Variants in PDE1C observed in about 807,000 individuals in gnomAD.
The protein encoded by PDE1C is phosphodiesterase 1C.
In PDE1C, 62 loss-of-function variants were observed where a neutral mutation model predicts 93.1. That is an observed-to-expected ratio of 0.67 (90% confidence interval 0.54 to 0.82). PDE1C has a LOEUF of 0.82. Ranked by LOEUF, PDE1C falls within the 40% of genes least tolerant of loss-of-function variation. The pLI, the probability that PDE1C is intolerant of heterozygous loss-of-function variation, is 0.00. For missense variants in PDE1C, 742 were observed against 884.6 expected (o/e 0.84, Z 2.04); for synonymous variants, 325 against 310.1 (o/e 1.05, Z -0.50).
chr7:31,835,555 T>TGC (rs373834860), intron 11 of PDE1C, among the ~76,000 whole-genome samples: 4 of 143,436 alleles, frequency 2.8e-5, no homozygotes, highest in African/African-American at 5.1e-5. Context: ...TGTGTGTGTG[T>TGC]GCGTGCATGT....
chr7:32,193,032 A>C (rs1474949326), intron 2 of PDE1C, among the ~76,000 whole-genome samples: 18 of 152,158 alleles, frequency 1.2e-4, no homozygotes, highest in Non-Finnish European at 4.4e-5. Flanking sequence ...CTCATTTATT[A>C]GTCTAGAAAT....
chr7:31,825,960 G>C (rs905319910), intron 12 of PDE1C, among the ~76,000 whole-genome samples: 5 of 152,154 alleles, frequency 3.3e-5, no homozygotes, highest in Non-Finnish European at 7.4e-5. Flanking sequence ...GGATTGGAAA[G>C]TGGAAGAGGG....
At chr7:31,880,355 A>C (rs2128878195) in intron 3 of PDE1C, among the ~76,000 whole-genome samples, 1 of 152,356 alleles carries the variant, frequency 6.6e-6, no homozygotes, top group Admixed American at 6.5e-5. Flanking sequence ...TCACTTCAGG[A>C]GCCTCCATTT....
Position 32,357,339 on chromosome 7 carries a change from A to C in PDE1C, c.310+70483T>G, listed in dbSNP as rs559909702. Among the ~76,000 whole-genome samples the C allele has an allele frequency of 1.5e-3, 232 of 150,558 alleles. 1 individual carries two copies. Among genetic ancestry groups the C allele is most frequent in the South Asian group, 0.011 (53 of 4,700 alleles). On this transcript the variant is annotated intron_variant, in intron 1 of 1. Coordinates refer to the PDE1C transcript ENST00000672256. The stretch of plus-strand genomic sequence containing the variant: ...ACAGAGCGAGATTCCATCACACACA[A>C]AAAAAAAACCTTTAAGTGACTGTGT...
At chr7:32,309,507 G>A (rs562439139) in intron 1 of PDE1C, among the ~76,000 whole-genome samples, 54 of 152,248 alleles carry the variant, frequency 3.5e-4, no homozygotes, top group Middle Eastern at 3.4e-3. Flanking sequence ...GAGAAAGGTC[G>A]GGTTACCCTC....
the PDE1C span, among the ~76,000 whole-genome samples, chr7:31,649,503 G>A: frequency 1.3e-5 from 2 of 152,210 alleles, no homozygotes; most frequent in Non-Finnish European, 2.9e-5. Flanking sequence ...GCTGGGAAAT[G>A]TAATTTTTTA....
chr7:32,388,703 A>AAT (rs2128092446), intron 1 of PDE1C, among the ~76,000 whole-genome samples: 1 of 151,338 alleles, frequency 6.6e-6, no homozygotes, highest in Admixed American at 6.6e-5. Context: ...AAAAAAAAAA[A>AAT]ATTAAGACAA....
chr7:32,099,681 GCCT>G (rs1313715435), intron 3 of PDE1C, among the ~76,000 whole-genome samples: 1 of 152,156 alleles, frequency 6.6e-6, no homozygotes, highest in African/African-American at 2.4e-5. Context: ...TACAGTTCCA[GCCT>G]CCTCATCTCC....
In PDE1C at chr7:31,826,878, A is replaced by G. The variant is rs377212556; in HGVS notation, c.1285+1414T>C. Among the ~76,000 whole-genome samples the G allele has an allele frequency of 2.0e-4, 30 of 152,336 alleles. 2 individuals are homozygous for G. In the South Asian group the frequency reaches 5.8e-3, roughly 29 times the overall value. On this transcript the variant is annotated intron_variant, in intron 12 of 17. Coordinates refer to ENST00000396191, the MANE Select transcript of PDE1C (RefSeq NM_001191057.4). ...AGTTATTTTAGACTTTGCAGGCCAT[A>G]TCATCGCTATCAAAACCACTTAACT...
chr7:32,401,881 T>C (rs1784950064), intron 1 of PDE1C, among the ~76,000 whole-genome samples: 2 of 152,348 alleles, frequency 1.3e-5, no homozygotes, highest in South Asian at 4.1e-4. Context: ...GAACTGGACC[T>C]GAGTTCAAAT....
the PDE1C span, among the ~76,000 whole-genome samples, chr7:31,620,947 C>G: frequency 6.6e-6 from 1 of 151,790 alleles, no homozygotes; most frequent in Non-Finnish European, 1.5e-5. Flanking sequence ...GGCTCAAGAA[C>G]TATGTGAAGA....
chr7:31,895,696 G>A (rs1040299564), intron 2 of PDE1C, among the ~76,000 whole-genome samples: 4 of 151,424 alleles, frequency 2.6e-5, no homozygotes, highest in Non-Finnish European at 5.9e-5. Flanking sequence ...GTCAAGGGAG[G>A]GACCTCGCAA....
chr7:31,678,956 G>A, the PDE1C span, among the ~76,000 whole-genome samples: 2 of 152,180 alleles, frequency 1.3e-5, no homozygotes, highest in African/African-American at 4.8e-5. Context: ...CAATTTCTTG[G>A]ATTGTGATGC....
intron 1 of PDE1C, among the ~76,000 whole-genome samples, chr7:32,307,557 T>A (rs2128903610): frequency 6.6e-6 from 1 of 152,252 alleles, no homozygotes; most frequent in Non-Finnish European, 1.5e-5. Flanking sequence ...TCCTCTCCAC[T>A]GTTTTCACTC....
At chr7:32,055,816 G>A (rs951142770) in intron 1 of PDE1C, among the ~76,000 whole-genome samples, 14 of 152,182 alleles carry the variant, frequency 9.2e-5, no homozygotes, top group African/African-American at 3.1e-4. Context: ...CTCCTCCTGG[G>A]TTCAAGCGAT....
rs545719184 is a variant in PDE1C, at chr7:32,219,406, T to G, written c.86-9867A>C. On this transcript the variant is annotated intron_variant, in intron 1 of 18. Coordinates refer to the PDE1C transcript ENST00000396193. The stretch of plus-strand genomic sequence containing the variant: ...GGAGGAGGGGAGTAGTAAAACGCCA[T>G]GAAAGGCTAGCACTCAGATCTTTCT... Among the ~76,000 whole-genome samples the G allele has an allele frequency of 2.6e-5, 4 of 152,352 alleles. No homozygotes were observed. The South Asian group carries it at 8.3e-4, about 32-fold the overall frequency.
At chr7:31,765,659 C>T (rs1795095466) in intron 17 of PDE1C, among the ~76,000 whole-genome samples, 1 of 152,158 alleles carries the variant, frequency 6.6e-6, no homozygotes, top group Non-Finnish European at 1.5e-5. Flanking sequence ...CAATCCAGTC[C>T]ACAGTAAGTG....
At chr7:32,281,652 TAA>T (rs954981454) in intron 1 of PDE1C, among the ~76,000 whole-genome samples, 2 of 152,172 alleles carry the variant, frequency 1.3e-5, no homozygotes, top group African/African-American at 4.8e-5. Context: ...GTGCTACTTA[TAA>T]AAGAAATAAG....
intron 2 of PDE1C, among the ~76,000 whole-genome samples, chr7:31,932,980 C>A (rs1563058207): frequency 6.6e-6 from 1 of 152,094 alleles, no homozygotes; most frequent in East Asian, 1.9e-4. Context: ...AAACCAAACA[C>A]CACATGTTCC....
Sources: gnomAD v4.1 joint callset for allele counts (sites outside exome capture counted in the v4.1 genomes callset) on GRCh38, gnomAD v4.1.1 for gene constraint, MANE v1.5 for transcripts, NCBI Gene and HGNC (gene_info 2026-07-23, HGNC 2026-07-21) for gene names.